Variants in LINS1 observed in about 807,000 individuals in gnomAD.
LINS1 encodes the protein lines homolog 1.
LINS1 carries 27 observed loss-of-function variants against 41.6 expected under a neutral mutation model. That is an observed-to-expected ratio of 0.65 (90% CI 0.48 to 0.89). The LOEUF (loss-of-function observed/expected upper bound fraction) is 0.89. Among genes scored for constraint, LINS1 ranks in the 40% least tolerant of loss-of-function variants. LINS1 has a pLI of 0.00. For missense variants in LINS1, 955 were observed against 884.1 expected, an observed-to-expected ratio of 1.08 and a Z score of -1.02; for synonymous variants, 336 against 312.9, an observed-to-expected ratio of 1.07 and a Z score of -0.78.
At chr15:100,591,640 G>A (rs959515621) in intron 1 of LINS1, among the ~76,000 whole-genome samples, 1 of 151,996 alleles carries the variant, frequency 6.6e-6, no homozygotes. Context: ...AAACATTCCT[G>A]GCAGCATAGG....
rs888341503 is a variant in LINS1 at position 100,580,845 on chromosome 15, T to C, written c.-3A>G. 2 of 1,610,510 alleles carry C rather than the reference T, an allele frequency of 1.2e-6. No homozygotes were observed. The highest frequency in any genetic ancestry group is 2.7e-5 in the African/African-American group (2 of 74,878). On this transcript the variant is annotated 5_prime_UTR_variant, in exon 2 of 7. Transcript: ENST00000314742. ...AAAACTTCACAGAAAACTTTCATTTTGACTTCCAAAATGTATCTTATAAGA... is the reference window on the plus strand; with the variant it reads ...AAAACTTCACAGAAAACTTTCATTTCGACTTCCAAAATGTATCTTATAAGA...
intron 1 of LINS1, among the ~76,000 whole-genome samples, chr15:100,592,967 G>A (rs916265819): frequency 1.3e-5 from 2 of 152,164 alleles, no homozygotes; most frequent in African/African-American, 4.8e-5. Flanking sequence ...AGCAATTGTG[G>A]TATTAAAGGA....
Position 100,568,464 on chromosome 15 carries a change from GAGGC to G in LINS1, c.*770_*773del, listed in dbSNP as rs961910381. ...ACACAGACACAGGAAAATGCCATGT[GAGGC>G]AGGAACTGGAGTGACGCCACTACAA... On this transcript the variant is annotated 3_prime_UTR_variant, in exon 7 of 7. Coordinates refer to ENST00000314742, the MANE Select transcript of LINS1 (RefSeq NM_001040616.3). 6.6e-6 allele frequency: 1 copy of G among 152,282 alleles called. No individual in the cohort carries two copies. The highest frequency in any genetic ancestry group is 2.4e-5 in the African/African-American group (1 of 41,456). 9.4% of individuals were successfully genotyped at this position (152,282 alleles called of 1,614,324 possible). A position where few individuals can be genotyped will look rare whatever the true frequency, so the allele number is the denominator to read the frequency against.
Position 100,574,986 on chromosome 15 carries a change from C to T in LINS1, c.631+1G>A. 1 of 1,612,218 alleles carries T rather than the reference C, an allele frequency of 6.2e-7. No individual in the cohort carries two copies. The highest frequency in any genetic ancestry group is 1.1e-5 in the South Asian group (1 of 91,036). On this transcript the variant is annotated splice_donor_variant, in intron 4 of 6. Coordinates refer to ENST00000314742, the MANE Select transcript of LINS1 (RefSeq NM_001040616.3). LOFTEE classifies it high-confidence loss of function. ...TGTTTATGGGGCCATGTAATCCATACCTGTTTTCTGTGAACATGAATCTTT... is the reference window on the plus strand; with the variant it reads ...TGTTTATGGGGCCATGTAATCCATATCTGTTTTCTGTGAACATGAATCTTT...
chr15:100,575,628 T>C (rs920068770), intron 3 of LINS1, among the ~76,000 whole-genome samples: 1 of 152,068 alleles, frequency 6.6e-6, no homozygotes, highest in Non-Finnish European at 1.5e-5. Flanking sequence ...GACAGAAAGT[T>C]AACAAGGATA....
chr15:100,571,183 C>A (rs979589362), intron 6 of LINS1, among the ~76,000 whole-genome samples: 11 of 152,234 alleles, frequency 7.2e-5, no homozygotes, highest in Admixed American at 2.6e-4. Flanking sequence ...TAAGTACTGG[C>A]GGCACAACGC....
At chr15:100,575,573 T>C (rs543231557) in intron 3 of LINS1, among the ~76,000 whole-genome samples, 150 of 152,284 alleles carry the variant, frequency 9.9e-4, no homozygotes, top group Middle Eastern at 3.4e-3. Flanking sequence ...ACAATAATAA[T>C]GGGAGACTTT....
chr15:100,576,010 G>A (rs2038153372), intron 3 of LINS1, among the ~76,000 whole-genome samples: 1 of 152,186 alleles, frequency 6.6e-6, no homozygotes, highest in African/African-American at 2.4e-5. Context: ...GAATCTCTGG[G>A]ACACATTTAA....
intron 1 of LINS1, among the ~76,000 whole-genome samples, chr15:100,599,421 T>C (rs912684903): frequency 6.6e-6 from 1 of 152,234 alleles, no homozygotes; most frequent in African/African-American, 2.4e-5. Context: ...ATCATGTACT[T>C]CAATCATTTG....
At chr15:100,587,182 A>ACAAAAAG (rs2038846326) in intron 1 of LINS1, among the ~76,000 whole-genome samples, 1 of 124,376 alleles carries the variant, frequency 8.0e-6, no homozygotes, top group Non-Finnish European at 1.7e-5. Context: ...AAAAAAAAAA[A>ACAAAAAG]CATTAGCAGT....
intron 5 of LINS1, chr15:100,572,350 A>G: frequency 8.3e-7 from 1 of 1,202,218 alleles, no homozygotes. Context: ...AATAAAAGTT[A>G]TGTGATTTCT....
chr15:100,576,277 G>C (rs1488693438), intron 3 of LINS1, among the ~76,000 whole-genome samples: 6 of 152,070 alleles, frequency 3.9e-5, no homozygotes, highest in African/African-American at 1.2e-4. Flanking sequence ...TAAACCGTTA[G>C]CAAGACTAAT....
Position 100,569,959 on chromosome 15 carries a change from G to A in LINS1, c.1553C>T (p.Thr518Ile), listed in dbSNP as rs2037729628. The A allele has an allele frequency of 6.3e-6, 10 of 1,579,582 alleles. No homozygotes were observed. Among genetic ancestry groups the A allele is most frequent in the Non-Finnish European group, 8.6e-6 (10 of 1,162,522 alleles). The part of the protein sequence containing the change: ...VLLDFLISSE[T>I]CFLEYFVRYL... Reference sequence around the variant, plus strand: ...TCTAACAAAATATTCAAGAAAACAGGTTTCTGATGAAATCAAAAAGTCAAG... The same window carrying A: ...TCTAACAAAATATTCAAGAAAACAGATTTCTGATGAAATCAAAAAGTCAAG... Residue 518 changes from threonine (T) to isoleucine (I), a missense_variant, in exon 7 of 7, where the codon ACC (threonine) becomes ATC (isoleucine). By Grantham distance (89) the Thr-to-Ile change is moderately conservative. Transcript: ENST00000314742.
chr15:100,575,967 T>C (rs903787208), intron 3 of LINS1, among the ~76,000 whole-genome samples: 5 of 152,232 alleles, frequency 3.3e-5, no homozygotes, highest in African/African-American at 7.2e-5. Context: ...AGATGTTCTT[T>C]GAAACCAACA....
intron 1 of LINS1, among the ~76,000 whole-genome samples, chr15:100,589,980 G>C (rs1281460236): frequency 6.6e-6 from 1 of 152,144 alleles, no homozygotes; most frequent in Non-Finnish European, 1.5e-5. Flanking sequence ...GATTGTCCTT[G>C]CCATCCACAT....
chr15:100,580,987 G>T lies in LINS1; in HGVS notation c.-103-42C>A, dbSNP rs553888278. The T allele has an allele frequency of 6.4e-5, 45 of 698,830 alleles. No individual in the cohort carries two copies. In the African/African-American group the frequency reaches 7.0e-4, roughly 11 times the overall value. 43.3% of individuals were successfully genotyped at this position (698,830 alleles called of 1,614,324 possible). ...AATTTAAAAATTCTAACTGCTATAT[G>T]CTTATTACAAGAGAAAGCAACTGTT... is the stretch of plus-strand genomic sequence containing the variant. On this transcript the variant is annotated intron_variant, in intron 1 of 6. Transcript: ENST00000314742.
At chr15:100,588,674 T>G (rs893162148) in intron 1 of LINS1, among the ~76,000 whole-genome samples, 1 of 152,230 alleles carries the variant, frequency 6.6e-6, no homozygotes, top group African/African-American at 2.4e-5. Flanking sequence ...AGATTCTAGA[T>G]AAGTCTTGGG....
chr15:100,582,911 T>C (rs1428344373), intron 1 of LINS1, among the ~76,000 whole-genome samples: 76 of 120,298 alleles, frequency 6.3e-4, no homozygotes, highest in Middle Eastern at 6.4e-3. Flanking sequence ...CTTGGTCTTA[T>C]ACTGGGTCTT....
chr15:100,568,169 T>C lies in LINS1; in HGVS notation c.*1069A>G, dbSNP rs534679495. The C allele has an allele frequency of 6.6e-6, 1 of 152,104 alleles. No individual in the cohort carries two copies. Among genetic ancestry groups the C allele is most frequent in the South Asian group, 2.1e-4 (1 of 4,804 alleles). 9.4% of individuals were successfully genotyped at this position (152,104 alleles called of 1,614,324 possible). ...TGATTAAATTTTTTTTTAGAAAGAA[T>C]CATGTTCATACAGTAGGCCAGGTAT... On this transcript the variant is annotated 3_prime_UTR_variant, in exon 7 of 7. Transcript: ENST00000314742.
Sources: gnomAD v4.1 joint callset for allele counts (sites outside exome capture counted in the v4.1 genomes callset) on GRCh38, gnomAD v4.1.1 for gene constraint, MANE v1.5 for transcripts, NCBI Gene and HGNC (gene_info 2026-07-23, HGNC 2026-07-21) for gene names.